The following MMP16 variants were observed in gnomAD, a reference collection of about 807,000 sequenced individuals.
The protein encoded by MMP16 is matrix metalloproteinase-16.
Under a neutral mutation model 67.8 loss-of-function variants are expected in MMP16, and 12 were observed. That is an observed-to-expected ratio of 0.18 (90% CI 0.11 to 0.29). MMP16 has a LOEUF of 0.29. Among genes scored for constraint, MMP16 ranks in the 10% least tolerant of loss-of-function variants. The probability of loss-of-function intolerance (pLI) is 1.00; values close to 1 mark genes in which losing one functional copy is unlikely to be tolerated. For missense variants in MMP16, 475 were observed against 765.7 expected, an observed-to-expected ratio of 0.62 and a Z score of 4.48; for synonymous variants, 249 against 255.9, an observed-to-expected ratio of 0.97 and a Z score of 0.26.
chr8:88,249,966 G>C lies in MMP16; in HGVS notation c.133-52660C>G, dbSNP rs553908171. On this transcript the variant is annotated intron_variant, in intron 1 of 9. Transcript: ENST00000286614. ...GTAATGTTCCTAAAATATTTTACTT[G>C]TTTTATTTTAGCACTATTTGCAAAC... Among the ~76,000 whole-genome samples, 8 of 152,114 alleles carry C rather than the reference G, an allele frequency of 5.3e-5. No homozygotes were observed. The South Asian group carries it at 1.7e-3, about 32-fold the overall frequency.
At chr8:88,182,152 A>G (rs1398830745) in intron 3 of MMP16, among the ~76,000 whole-genome samples, 5 of 152,144 alleles carry the variant, frequency 3.3e-5, no homozygotes, top group Non-Finnish European at 7.4e-5. Flanking sequence ...GAAAATGCTA[A>G]GTTGGACATT....
intron 6 of MMP16, among the ~76,000 whole-genome samples, chr8:88,094,766 T>A (rs571097891): frequency 6.6e-6 from 1 of 151,800 alleles, no homozygotes; most frequent in Non-Finnish European, 1.5e-5. Flanking sequence ...GTAGGAAAAT[T>A]TGTCCATTTT....
chr8:88,268,644 C>A (rs1258789531), intron 1 of MMP16, among the ~76,000 whole-genome samples: 4 of 152,130 alleles, frequency 2.6e-5, no homozygotes, highest in Non-Finnish European at 5.9e-5. Flanking sequence ...GCCAATATCA[C>A]CCCAGAAGTC....
At chr8:88,091,416 G>A (rs1586146240) in intron 6 of MMP16, among the ~76,000 whole-genome samples, 1 of 151,780 alleles carries the variant, frequency 6.6e-6, no homozygotes, top group Non-Finnish European at 1.5e-5. Context: ...CCATTCAACA[G>A]CATTCTGTAT....
chr8:88,067,733 T>G (rs1030963337), intron 7 of MMP16, among the ~76,000 whole-genome samples: 3 of 152,170 alleles, frequency 2.0e-5, no homozygotes, highest in African/African-American at 7.2e-5. Context: ...TCATCCATAT[T>G]GTAATGTGAA....
intron 1 of MMP16, among the ~76,000 whole-genome samples, chr8:88,238,198 A>C (rs10107227): frequency 0.97 from 148,298 of 152,184 alleles, 72,376 homozygotes; most frequent in East Asian, 1. Flanking sequence ...GGGAAAATAC[A>C]CACATCAAAG....
At chr8:88,292,836 A>G (rs1391899666) in intron 1 of MMP16, among the ~76,000 whole-genome samples, 1 of 152,220 alleles carries the variant, frequency 6.6e-6, no homozygotes, top group Non-Finnish European at 1.5e-5. Flanking sequence ...ACAAAAACCT[A>G]TAAGCCTCTT....
At chr8:88,253,851 T>A (rs1159534903) in intron 1 of MMP16, among the ~76,000 whole-genome samples, 1 of 152,052 alleles carries the variant, frequency 6.6e-6, no homozygotes, top group East Asian at 1.9e-4. Flanking sequence ...TCTAATTTTT[T>A]TTTTGGTAGA....
intron 4 of MMP16, among the ~76,000 whole-genome samples, chr8:88,127,814 C>T (rs1807959600): frequency 6.6e-6 from 1 of 151,816 alleles, no homozygotes; most frequent in Admixed American, 6.6e-5. Flanking sequence ...ATGTTTCATA[C>T]ATTTGCTTGT....
intron 4 of MMP16, among the ~76,000 whole-genome samples, chr8:88,129,053 A>T (rs1807983791): frequency 6.6e-6 from 1 of 151,816 alleles, no homozygotes; most frequent in East Asian, 1.9e-4. Context: ...AAGATGTTAC[A>T]GATGTTATAG....
chr8:88,319,257 A>G (rs1371280410), intron 1 of MMP16, among the ~76,000 whole-genome samples: 1 of 152,102 alleles, frequency 6.6e-6, no homozygotes, highest in Non-Finnish European at 1.5e-5. Flanking sequence ...TGACTTTTCT[A>G]TGTTTGTTCT....
At chr8:88,165,546 T>A (rs1254855525) in intron 4 of MMP16, among the ~76,000 whole-genome samples, 1 of 152,120 alleles carries the variant, frequency 6.6e-6, no homozygotes, top group African/African-American at 2.4e-5. Context: ...ATTTCTTATA[T>A]TATTTAAAAT....
intron 1 of MMP16, among the ~76,000 whole-genome samples, chr8:88,202,012 A>T (rs1809351854): frequency 6.6e-6 from 1 of 152,186 alleles, no homozygotes; most frequent in Non-Finnish European, 1.5e-5. Flanking sequence ...GGTCAAATTG[A>T]AGATTCATAG....
intron 4 of MMP16, among the ~76,000 whole-genome samples, chr8:88,126,199 T>C (rs1453357360): frequency 6.6e-6 from 1 of 151,848 alleles, no homozygotes; most frequent in Non-Finnish European, 1.5e-5. Flanking sequence ...CATATAATTA[T>C]TTTTCTACTT....
intron 6 of MMP16, among the ~76,000 whole-genome samples, chr8:88,115,623 A>G (rs575927972): frequency 2.0e-5 from 3 of 152,194 alleles, no homozygotes; most frequent in Non-Finnish European, 4.4e-5. Context: ...ATGTAAGTAG[A>G]ACAGCATTGG....
chr8:88,077,838 A>G (rs1180593404), intron 6 of MMP16, among the ~76,000 whole-genome samples: 1 of 152,206 alleles, frequency 6.6e-6, no homozygotes, highest in African/African-American at 2.4e-5. Flanking sequence ...TTGAAAAGGT[A>G]TATGTTTAGC....
intron 6 of MMP16, among the ~76,000 whole-genome samples, chr8:88,111,364 G>A (rs551821021): frequency 2.8e-4 from 43 of 151,714 alleles, no homozygotes; most frequent in Non-Finnish European, 6.0e-4. Context: ...AAAGACTGAT[G>A]AAAGCCTTCT....
At chr8:88,066,870 C>T (rs984874422) in intron 7 of MMP16, among the ~76,000 whole-genome samples, 1 of 151,798 alleles carries the variant, frequency 6.6e-6, no homozygotes, top group African/African-American at 2.4e-5. Flanking sequence ...TAAAAACAAA[C>T]AAAAATAAGA....
At chr8:88,088,262 G>T (rs2616513) in intron 6 of MMP16, among the ~76,000 whole-genome samples, 148,236 of 150,158 alleles carry the variant, frequency 0.99, 73,201 homozygotes, top group East Asian at 1. Flanking sequence ...TCTATATATA[G>T]AGAGACAGAG....
Sources: allele counts gnomAD v4.1 joint callset (sites outside exome capture counted in the v4.1 genomes callset), GRCh38; gene constraint gnomAD v4.1.1; transcripts MANE v1.5; gene names NCBI Gene and HGNC (gene_info 2026-07-23, HGNC 2026-07-21).